The following ANKRD54 variants were observed in gnomAD, a reference collection of about 807,000 sequenced individuals.
ANKRD54 encodes the protein ankyrin repeat domain-containing protein 54.
Under a neutral mutation model 36.2 loss-of-function variants are expected in ANKRD54, and 26 were observed. That is an observed-to-expected ratio of 0.72 (90% CI 0.53 to 1.00). ANKRD54 has a LOEUF of 1.00. Among genes scored for constraint, ANKRD54 ranks in the 50% least tolerant of loss-of-function variants. The pLI, the probability that ANKRD54 is intolerant of heterozygous loss-of-function variation, is 0.00. For missense variants in ANKRD54, 384 were observed against 424.3 expected, an observed-to-expected ratio of 0.91 and a Z score of 0.83; for synonymous variants, 209 against 188.4, an observed-to-expected ratio of 1.11 and a Z score of -0.89.
rs199585297 is a variant in ANKRD54 at position 37,841,555 on chromosome 22, C to CA, written c.329-1322dup. On this transcript the variant is annotated intron_variant, in intron 1 of 7. Coordinates refer to ENST00000215941, the MANE Select transcript of ANKRD54 (RefSeq NM_138797.4). ...AAACACACACACACACACACACACACACAAAAAACATAGGCCGGGCACAGT... is the reference window on the plus strand; with the variant it reads ...AAACACACACACACACACACACACACAACAAAAAACATAGGCCGGGCACAGT... Among the ~76,000 whole-genome samples the CA allele has an allele frequency of 8.5e-4, 124 of 146,494 alleles. 1 individual carries two copies. The highest frequency in any genetic ancestry group is 4.1e-3 in the East Asian group (20 of 4,914).
In ANKRD54 at chr22:37,832,551, AC is replaced by A. The variant is rs1412208374; in HGVS notation, c.828+85del. ...CCCCAGCCCACAGCCTCTTTCTGAT[AC>A]GAGTGTCTGGTGGCATCGGAGCAGG... On this transcript the variant is annotated intron_variant, in intron 7 of 7. Coordinates refer to ENST00000215941, the MANE Select transcript of ANKRD54 (RefSeq NM_138797.4). The A allele has an allele frequency of 2.4e-6, 3 of 1,258,050 alleles. No homozygotes were observed. In the African/African-American group the frequency reaches 4.5e-5, roughly 19 times the overall value. 77.9% of individuals were successfully genotyped at this position (1,258,050 alleles called of 1,614,324 possible).
chr22:37,845,019 CGCAAA>C (rs1293588189), upstream of ANKRD54, among the ~76,000 whole-genome samples: 1 of 76,258 alleles, frequency 1.3e-5, no homozygotes, highest in Non-Finnish European at 2.3e-5. Flanking sequence ...AATCAATGAA[CGCAAA>C]AAAAAAAAAA....
Position 37,842,016 on chromosome 22 carries a change from G to A in ANKRD54, c.329-1782C>T, listed in dbSNP as rs1035464522. Among the ~76,000 whole-genome samples the A allele has an allele frequency of 4.0e-5, 6 of 151,304 alleles. No individual in the cohort carries two copies. The East Asian group carries it at 9.6e-4, about 24-fold the overall frequency. On this transcript the variant is annotated intron_variant, in intron 1 of 7. Transcript: ENST00000215941. The stretch of plus-strand genomic sequence containing the variant: ...AATCACACCATGGCACTCCAGCCTG[G>A]GTGGCAGAGCAACACTCCATCTCAA...
chr22:37,838,817 C>T (rs1017285130), intron 2 of ANKRD54, among the ~76,000 whole-genome samples: 1 of 152,168 alleles, frequency 6.6e-6, no homozygotes, highest in Non-Finnish European at 1.5e-5. Context: ...GCTCAAACTA[C>T]ACGTCTAGTG....
At chr22:37,845,218 C>T (rs1349837806), upstream of ANKRD54, among the ~76,000 whole-genome samples, 1 of 152,120 alleles carries the variant, frequency 6.6e-6, no homozygotes, top group Non-Finnish European at 1.5e-5. Flanking sequence ...AAAGTGATTA[C>T]ATTAGAGCAA....
intron 1 of ANKRD54, among the ~76,000 whole-genome samples, chr22:37,841,406 A>C (rs1314245004): frequency 6.6e-6 from 1 of 152,030 alleles, no homozygotes; most frequent in Non-Finnish European, 1.5e-5. Context: ...CACGCCTACA[A>C]TCCCAGCTAC....
In ANKRD54 at chr22:37,838,561, T is replaced by C; in HGVS notation, c.414A>G (p.Ala138=). The change falls in exon 3 of 8, where the codon GCA becomes GCG. Residue 138 remains alanine (A), a synonymous_variant. Transcript: ENST00000215941. ...GAGCTGTGCGGCCCTTGTCATCAGC[T>C]GCACAGGGATCCGCGCCATCTTCCA... ...QLLEDGADPC[A]ADDKGRTALH... 1.9e-6 allele frequency: 3 copies of C among 1,611,166 alleles called. No homozygotes were observed. Among genetic ancestry groups the C allele is most frequent in the Non-Finnish European group, 2.5e-6 (3 of 1,179,032 alleles).
Position 37,843,899 on chromosome 22 carries a change from C to T in ANKRD54, c.328+12G>A. 1 of 1,221,346 alleles carries T rather than the reference C, an allele frequency of 8.2e-7. No individual in the cohort carries two copies. 75.7% of individuals were successfully genotyped at this position (1,221,346 alleles called of 1,614,324 possible). ...CCCCGCCCCGGGCCCCCGCGCCGCT[C>T]GCGCCGCTCACCGTGCACCTCCTTG... On this transcript the variant is annotated intron_variant, in intron 1 of 7. Coordinates refer to ENST00000215941, the MANE Select transcript of ANKRD54 (RefSeq NM_138797.4).
chr22:37,832,579 TG>T, intron 7 of ANKRD54, 57 bp downstream of exon 7: 1 of 1,516,500 alleles, frequency 6.6e-7, no homozygotes, highest in Non-Finnish European at 9.1e-7. Context: ...CGGAGCAGGG[TG>T]GACTGGCCCT....
Position 37,843,918 on chromosome 22 carries a change from C to A in ANKRD54, c.321G>T (p.Glu107Asp). 7.5e-7 allele frequency: 1 copy of A among 1,335,188 alleles called. No individual in the cohort carries two copies. Among genetic ancestry groups the A allele is most frequent in the South Asian group, 1.9e-5 (1 of 53,264 alleles). The allele number at this position is 1,335,188 out of a possible 1,614,324, so 82.7% of individuals were successfully genotyped here. ...GCCGCTCGCGCCGCTCACCGTGCAC[C>A]TCCTTGCCCGTGGGCCCGAGCCGCC... ...PHRRLGPTGKEVHALKRLRDS... is the reference protein window; with the variant it reads ...PHRRLGPTGKDVHALKRLRDS... Residue 107 changes from glutamate to aspartate, a missense_variant, in exon 1 of 8, where the codon GAG (glutamate) becomes GAT (aspartate). Glu to Asp is a conservative substitution (Grantham distance 45, BLOSUM62 2). Coordinates refer to ENST00000215941, the MANE Select transcript of ANKRD54 (RefSeq NM_138797.4).
upstream of ANKRD54, chr22:37,847,883 C>T (rs1419421821): frequency 3.4e-6 from 1 of 294,482 alleles, no homozygotes; most frequent in Non-Finnish European, 7.2e-6. Flanking sequence ...CATTGCAATT[C>T]TCAATAGGAT....
Position 37,838,565 on chromosome 22 carries a change from C to G in ANKRD54, c.410G>C (p.Cys137Ser), listed in dbSNP as rs372788533. 13 of 1,610,988 alleles carry G rather than the reference C, an allele frequency of 8.1e-6. No individual in the cohort carries two copies. Among genetic ancestry groups the G allele is most frequent in the Non-Finnish European group, 1.1e-5 (13 of 1,179,064 alleles). Residue 137 changes from cysteine to serine, a missense_variant, in exon 3 of 8, where the codon TGT (cysteine) becomes TCT (serine). Around this residue, in one of 3 missense-constraint regions of ANKRD54, gnomAD observed 179 missense variants for 224.0 expected, o/e 0.80. Coordinates refer to ENST00000215941, the MANE Select transcript of ANKRD54 (RefSeq NM_138797.4). Reference sequence around the variant, plus strand: ...TGTGCGGCCCTTGTCATCAGCTGCACAGGGATCCGCGCCATCTTCCAGCAG... The same window carrying G: ...TGTGCGGCCCTTGTCATCAGCTGCAGAGGGATCCGCGCCATCTTCCAGCAG... ...QQLLEDGADP[C>S]AADDKGRTAL...
Position 37,844,147 on chromosome 22 carries a change from G to A in ANKRD54, c.92C>T (p.Thr31Ile). Reference protein sequence around the residue: ...GECAVAPEPLTDAEGLFSFAD... With the variant: ...GECAVAPEPLIDAEGLFSFAD... ...GAAGGAGAAGAGGCCCTCAGCGTCA[G>A]TCAGCGGCTCCGGCGCCACCGCGCA... The change falls in exon 1 of 8, where the codon ACT (threonine) becomes ATT (isoleucine). Residue 31 changes from threonine to isoleucine, a missense_variant. Coordinates refer to ENST00000215941, the MANE Select transcript of ANKRD54 (RefSeq NM_138797.4). 6.7e-7 allele frequency: 1 copy of A among 1,497,598 alleles called. No homozygotes were observed. 92.8% of individuals were successfully genotyped at this position (1,497,598 alleles called of 1,614,324 possible). A position where few individuals can be genotyped will look rare whatever the true frequency, so the allele number is the denominator to read the frequency against.
upstream of ANKRD54, chr22:37,847,833 AAC>A (rs1924927884): frequency 2.5e-6 from 1 of 407,934 alleles, no homozygotes; most frequent in Non-Finnish European, 5.0e-6. Flanking sequence ...ACAAGGAAGA[AAC>A]ACAAAACAAG....
upstream of ANKRD54, among the ~76,000 whole-genome samples, chr22:37,845,900 C>T (rs1229557080): frequency 6.6e-6 from 1 of 151,086 alleles, no homozygotes; most frequent in Non-Finnish European, 1.5e-5. Flanking sequence ...AAAGGCCTGG[C>T]GCTGTGGCTC....
intron 3 of ANKRD54, 112 bp downstream of exon 3, chr22:37,838,388 A>G: frequency 9.5e-7 from 1 of 1,051,406 alleles, no homozygotes; most frequent in Non-Finnish European, 1.4e-6. Flanking sequence ...TCTTCCTTAT[A>G]TCCAGAACAA....
Position 37,833,044 on chromosome 22 carries a change from G to C in ANKRD54, c.634C>G (p.Pro212Ala), listed in dbSNP as rs1404241820. 1.9e-6 allele frequency: 3 copies of C among 1,614,012 alleles called. No homozygotes were observed. Among genetic ancestry groups the C allele is most frequent in the Non-Finnish European group, 1.7e-6 (2 of 1,179,998 alleles). The change falls in exon 6 of 8, where the codon CCC becomes GCC. Residue 212 changes from proline to alanine, a missense_variant. By Grantham distance (27) the Pro-to-Ala change is conservative (BLOSUM62 -1). Coordinates refer to ENST00000215941, the MANE Select transcript of ANKRD54 (RefSeq NM_138797.4). ...VDALDRAGRT[P>A]LHLAKSKLNI... ...AGCTTTGACTTGGCCAGGTGCAGGG[G>C]TGTGCGACCAGCTCGGTCCAGGGCA...
chr22:37,833,205 C>T lies in ANKRD54; in HGVS notation c.549G>A (p.Ala183=), dbSNP rs767955748. Residue 183 remains alanine, a splice_region_variant and synonymous_variant, in exon 5 of 8, where the codon GCG becomes GCA. Coordinates refer to ENST00000215941, the MANE Select transcript of ANKRD54 (RefSeq NM_138797.4). Reference sequence around the variant, plus strand: ...TGACAGGAACGTGGTTGGTGCAGGCCGCTGAGGAAGAACAACAGAGACTTA... The same window carrying T: ...TGACAGGAACGTGGTTGGTGCAGGCTGCTGAGGAAGAACAACAGAGACTTA... ...DGLGNTPLHL[A]ACTNHVPVIT... 20 of 1,613,562 alleles carry T rather than the reference C, an allele frequency of 1.2e-5. No individual in the cohort carries two copies. Among genetic ancestry groups the T allele is most frequent in the Non-Finnish European group, 1.5e-5 (18 of 1,179,962 alleles).
intron 3 of ANKRD54, among the ~76,000 whole-genome samples, chr22:37,835,887 T>C (rs996324284): frequency 2.6e-5 from 4 of 152,160 alleles, no homozygotes; most frequent in African/African-American, 9.7e-5. Context: ...TCTCCCAGTC[T>C]GGAGTGCAGT....
Sources: allele counts gnomAD v4.1 joint callset (sites outside exome capture counted in the v4.1 genomes callset), GRCh38; gene constraint gnomAD v4.1.1; regional missense constraint gnomAD v4.1.1; transcripts MANE v1.5; gene names NCBI Gene and HGNC (gene_info 2026-07-23, HGNC 2026-07-21).